Variants in SLC23A2 observed in about 807,000 individuals in gnomAD.
The protein encoded by SLC23A2 is Na(+)/L-ascorbic acid transporter 2.
SLC23A2 carries 36 observed loss-of-function variants against 73.3 expected under a neutral mutation model. The observed-to-expected ratio is 0.49, with a 90% confidence interval of 0.38 to 0.65. The LOEUF is 0.65. Among genes scored for constraint, SLC23A2 ranks in the 30% least tolerant of loss-of-function variants. SLC23A2 has a pLI of 0.00. For synonymous variants in SLC23A2, 343 were observed against 327.3 expected (o/e 1.05, Z -0.52); for missense variants, 507 against 841.6 (o/e 0.60, Z 4.92).
intron 2 of SLC23A2, among the ~76,000 whole-genome samples, chr20:4,952,772 C>T (rs745421567): frequency 5.3e-5 from 8 of 152,186 alleles, no homozygotes; most frequent in Admixed American, 3.9e-4. Context: ...CACCTGTAAT[C>T]GCAGCACTTT....
At position 4,853,192 on chromosome 20, in the gene SLC23A2, G is replaced by A. The variant is rs1185148701; in HGVS notation, c.*3780C>T. 2 of 152,298 alleles carry A rather than the reference G, an allele frequency of 1.3e-5. No homozygotes were observed. Among genetic ancestry groups the A allele is most frequent in the African/African-American group, 2.4e-5 (1 of 41,462 alleles). 9.4% of individuals were successfully genotyped at this position (152,298 alleles called of 1,614,324 possible). ...CACTAACGCGGCGTGCAGCAGGTGT[G>A]GCTGGGTGTGCACAGCTGGCGTCCA... is the stretch of plus-strand genomic sequence containing the variant. On this transcript the variant is annotated 3_prime_UTR_variant, in exon 17 of 17. Coordinates refer to ENST00000338244, the MANE Select transcript of SLC23A2 (RefSeq NM_005116.6).
Position 4,932,593 on chromosome 20 carries a change from G to A in SLC23A2, c.-31C>T. On this transcript the variant is annotated 5_prime_UTR_variant, in exon 3 of 17. Transcript: ENST00000338244. Reference sequence around the variant, plus strand: ...GAAACGAGTAGTTTACACAGCCGTTGGGGAGAGCAGCTGGAAGTGAAGGCT... The same window carrying A: ...GAAACGAGTAGTTTACACAGCCGTTAGGGAGAGCAGCTGGAAGTGAAGGCT... 8.4e-7 allele frequency: 1 copy of A among 1,190,194 alleles called. No homozygotes were observed. The highest frequency in any genetic ancestry group is 1.3e-6 in the Non-Finnish European group (1 of 792,758). 73.7% of individuals were successfully genotyped at this position (1,190,194 alleles called of 1,614,324 possible).
chr20:4,856,673 A>C lies in SLC23A2; in HGVS notation c.*299T>G. ...TGGTGGAAGGGAACTGAAGCAAGGA[A>C]TGGCTGCAGATTTTAAATGTCCACT... is the stretch of plus-strand genomic sequence containing the variant. On this transcript the variant is annotated 3_prime_UTR_variant, in exon 17 of 17. Transcript: ENST00000338244. This position sits in a 1 kb window ranked among gnomAD's most constrained non-coding sequence, Gnocchi z 4.6. 11 of 288,170 alleles carry C rather than the reference A, an allele frequency of 3.8e-5. No homozygotes were observed. The highest frequency in any genetic ancestry group is 8.1e-5 in the East Asian group (1 of 12,272). 17.9% of individuals were successfully genotyped at this position (288,170 alleles called of 1,614,324 possible). A position where few individuals can be genotyped will look rare whatever the true frequency, so the allele number is the denominator to read the frequency against.
At chr20:4,910,734 C>A (rs1327201262) in intron 4 of SLC23A2, among the ~76,000 whole-genome samples, 1 of 152,174 alleles carries the variant, frequency 6.6e-6, no homozygotes, top group African/African-American at 2.4e-5. Context: ...CCACGCCCAG[C>A]CCAACTAGCA....
In SLC23A2 at chr20:4,904,938, AC is replaced by A. The variant is rs1233069980; in HGVS notation, c.208-2381del. Among the ~76,000 whole-genome samples, 4 of 152,010 alleles carry A rather than the reference AC, an allele frequency of 2.6e-5. No individual in the cohort carries two copies. In the East Asian group the frequency reaches 7.7e-4, roughly 29 times the overall value. ...AGATTAGCCTAGCCAACATGGTGAA[AC>A]CCTGTCTCTACTAAAAATACAAAAA... is the stretch of plus-strand genomic sequence containing the variant. On this transcript the variant is annotated intron_variant, in intron 4 of 16. Coordinates refer to ENST00000338244, the MANE Select transcript of SLC23A2 (RefSeq NM_005116.6).
chr20:4,897,134 A>G lies in SLC23A2; in HGVS notation c.482+2421T>C, dbSNP rs1187771513. ...AATGGCCAGGCCCCGCACCTGCCACATAGACCAGTCACTGAATATCTGCAG... is the reference window on the plus strand; with the variant it reads ...AATGGCCAGGCCCCGCACCTGCCACGTAGACCAGTCACTGAATATCTGCAG... On this transcript the variant is annotated intron_variant, in intron 6 of 16. Coordinates refer to ENST00000338244, the MANE Select transcript of SLC23A2 (RefSeq NM_005116.6). 2.6e-5 allele frequency among the ~76,000 whole-genome samples: 4 copies of G among 152,308 alleles called. No individual in the cohort carries two copies. In the East Asian group the frequency reaches 5.8e-4, roughly 22 times the overall value.
intron 9 of SLC23A2, among the ~76,000 whole-genome samples, chr20:4,877,411 AAG>A (rs1930703117): frequency 6.6e-6 from 1 of 152,228 alleles, no homozygotes; most frequent in Admixed American, 6.5e-5. Context: ...TTTAGAAAGA[AAG>A]AGATCATCTA....
intron 2 of SLC23A2, among the ~76,000 whole-genome samples, 161 bp from the exon 3 acceptor site, chr20:4,932,877 T>C (rs1237545570): frequency 1.3e-5 from 2 of 152,134 alleles, no homozygotes; most frequent in Admixed American, 6.5e-5. Flanking sequence ...CCCAACACCT[T>C]CTTTATTTAT....
At chr20:4,929,916 G>A (rs752843014) in intron 3 of SLC23A2, among the ~76,000 whole-genome samples, 1 of 152,084 alleles carries the variant, frequency 6.6e-6, no homozygotes, top group Non-Finnish European at 1.5e-5. Flanking sequence ...AATAGTGGAG[G>A]GCAAACTACA....
At chr20:4,989,670 C>A in intron 1 of SLC23A2, among the ~76,000 whole-genome samples, 1 of 150,566 alleles carries the variant, frequency 6.6e-6, no homozygotes, top group Non-Finnish European at 1.5e-5. Flanking sequence ...AGCAAGATCC[C>A]TTAAAAAAAA....
intron 4 of SLC23A2, among the ~76,000 whole-genome samples, chr20:4,906,639 ACAAAAAAC>A (rs2122882475): frequency 6.6e-6 from 1 of 152,186 alleles, no homozygotes; most frequent in Non-Finnish European, 1.5e-5. Context: ...AAACAAAACA[ACAAAAAAC>A]CAAAAAACAA....
chr20:4,903,870 T>C (rs149673367), intron 4 of SLC23A2, among the ~76,000 whole-genome samples: 3 of 152,330 alleles, frequency 2.0e-5, no homozygotes, highest in East Asian at 1.9e-4. Context: ...GGGTGTAGCA[T>C]GTAGTGATGT....
intron 3 of SLC23A2, among the ~76,000 whole-genome samples, chr20:4,923,894 T>A (rs900332177): frequency 2.0e-5 from 3 of 152,280 alleles, no homozygotes; most frequent in African/African-American, 7.2e-5. Context: ...AGTCAGGGGT[T>A]TAGAGGAACT....
chr20:4,932,450 A>G lies in SLC23A2; in HGVS notation c.108+5T>C. On this transcript the variant is annotated splice_donor_5th_base_variant and intron_variant, in intron 3 of 16. Transcript: ENST00000338244. ...TTAAGAAAGGAAGATGGGGAATATG[A>G]TTACCGGAAGAGTGAAGAAAGCTGG... 1.4e-6 allele frequency: 2 copies of G among 1,467,066 alleles called. No individual in the cohort carries two copies. The highest frequency in any genetic ancestry group is 2.3e-5 in the South Asian group (2 of 88,152). 90.9% of individuals were successfully genotyped at this position (1,467,066 alleles called of 1,614,324 possible). A position where few individuals can be genotyped will look rare whatever the true frequency, so the allele number is the denominator to read the frequency against.
intron 1 of SLC23A2, among the ~76,000 whole-genome samples, chr20:4,997,332 TTC>T (rs1394837163): frequency 1.3e-5 from 2 of 152,108 alleles, no homozygotes; most frequent in Non-Finnish European, 2.9e-5. Context: ...CCCCCATGGT[TTC>T]TCTGACCTCA....
chr20:4,879,949 C>T (rs112885118), intron 9 of SLC23A2, among the ~76,000 whole-genome samples: 1,649 of 152,228 alleles, frequency 0.011, 33 homozygotes, highest in African/African-American at 0.038. Flanking sequence ...GAGTCTTTTG[C>T]GCATTTGCAT....
chr20:4,984,556 AG>A (rs1166647271), intron 1 of SLC23A2, among the ~76,000 whole-genome samples: 4 of 152,122 alleles, frequency 2.6e-5, no homozygotes, highest in African/African-American at 9.6e-5. Context: ...CTGTCTCAAA[AG>A]AAAAAAAAAA....
intron 4 of SLC23A2, among the ~76,000 whole-genome samples, chr20:4,910,523 T>A (rs2122889868): frequency 6.6e-6 from 1 of 152,270 alleles, no homozygotes; most frequent in Non-Finnish European, 1.5e-5. Flanking sequence ...CTCTGCCTCC[T>A]GGGTTCAGGT....
intron 2 of SLC23A2, among the ~76,000 whole-genome samples, chr20:4,955,859 G>C (rs1329447438): frequency 1.3e-5 from 2 of 151,666 alleles, no homozygotes; most frequent in African/African-American, 4.8e-5. Context: ...AAAAAAAATG[G>C]CTATGCACCA....
Sources: allele counts gnomAD v4.1 joint callset (sites outside exome capture counted in the v4.1 genomes callset), GRCh38; gene constraint gnomAD v4.1.1; non-coding constraint Gnocchi (gnomAD v3.1); transcripts MANE v1.5; gene names NCBI Gene and HGNC (gene_info 2026-07-23, HGNC 2026-07-21).